The following FBXL17 variants were observed in gnomAD, a reference collection of about 807,000 sequenced individuals.
The protein encoded by FBXL17 is F-box/LRR-repeat protein 17.
In FBXL17, 22 loss-of-function variants were observed where a neutral mutation model predicts 66.2. That is an observed-to-expected ratio of 0.33 (90% CI 0.24 to 0.47). FBXL17 has a LOEUF of 0.47. Among genes scored for constraint, FBXL17 ranks in the 20% least tolerant of loss-of-function variants. FBXL17 has a pLI of 1.00. For synonymous variants in FBXL17, 474 were observed against 400.5 expected, an observed-to-expected ratio of 1.18 and a Z score of -2.19; for missense variants, 878 against 948.2, an observed-to-expected ratio of 0.93 and a Z score of 0.97.
At chr5:108,234,428 C>T (rs182995705) in intron 4 of FBXL17, among the ~76,000 whole-genome samples, 1 of 152,276 alleles carries the variant, frequency 6.6e-6, no homozygotes, top group African/African-American at 2.4e-5. Flanking sequence ...AAACCACTAG[C>T]AGGTGGCAAA....
chr5:108,157,213 T>A (rs985725236), intron 6 of FBXL17, among the ~76,000 whole-genome samples: 43 of 149,570 alleles, frequency 2.9e-4, no homozygotes, highest in African/African-American at 1.1e-3. Context: ...AGGGAAAACA[T>A]ACAAATGTGA....
intron 7 of FBXL17, among the ~76,000 whole-genome samples, chr5:107,976,753 A>G (rs529198015): frequency 3.7e-4 from 56 of 152,332 alleles, no homozygotes; most frequent in African/African-American, 1.3e-3. Flanking sequence ...AATTGGATTA[A>G]AAAAAGAAAA....
Position 108,381,703 on chromosome 5 carries a change from C to A in FBXL17, c.-12G>T. 6.9e-7 allele frequency: 1 copy of A among 1,445,904 alleles called. No individual in the cohort carries two copies. Among genetic ancestry groups the A allele is most frequent in the Non-Finnish European group, 9.1e-7 (1 of 1,104,820 alleles). The allele number at this position is 1,445,904 out of a possible 1,614,324, so 89.6% of individuals were successfully genotyped here. A position where few individuals can be genotyped will look rare whatever the true frequency, so the allele number is the denominator to read the frequency against. On this transcript the variant is annotated 5_prime_UTR_variant, in exon 1 of 9. Coordinates refer to ENST00000542267, the MANE Select transcript of FBXL17 (RefSeq NM_001163315.3). ...AGAAGGTGGCCCATATAGAAGGCCCCGAGGAGGGGGACCGGGACGGGAGGG... is the reference window on the plus strand; with the variant it reads ...AGAAGGTGGCCCATATAGAAGGCCCAGAGGAGGGGGACCGGGACGGGAGGG...
chr5:108,000,588 T>C (rs1256700884), intron 7 of FBXL17, among the ~76,000 whole-genome samples: 1 of 152,214 alleles, frequency 6.6e-6, no homozygotes, highest in Non-Finnish European at 1.5e-5. Flanking sequence ...ATAAATTTCA[T>C]AACATCCTAT....
chr5:108,341,754 C>T (rs1360650764), intron 4 of FBXL17, among the ~76,000 whole-genome samples: 3 of 152,110 alleles, frequency 2.0e-5, no homozygotes, highest in Non-Finnish European at 4.4e-5. Flanking sequence ...GCCTATCAAC[C>T]TAGTGGCACT....
chr5:108,279,300 G>A (rs897159178), intron 4 of FBXL17, among the ~76,000 whole-genome samples: 11 of 152,018 alleles, frequency 7.2e-5, no homozygotes, highest in Non-Finnish European at 1.6e-4. Flanking sequence ...GGGAACAAAA[G>A]GCATGCTTAG....
chr5:107,880,334 C>T (rs1748746872), intron 8 of FBXL17: 2 of 974,866 alleles, frequency 2.1e-6, no homozygotes, highest in African/African-American at 1.8e-5. Flanking sequence ...CTGCCTTGGC[C>T]TCCCAATGTG....
At chr5:108,058,945 A>C (rs1747818173) in intron 6 of FBXL17, among the ~76,000 whole-genome samples, 1 of 152,182 alleles carries the variant, frequency 6.6e-6, no homozygotes, top group African/African-American at 2.4e-5. Context: ...ATCATTTCCC[A>C]GAATGTAGAG....
chr5:108,297,659 GT>G (rs1758403941), intron 4 of FBXL17: 1 of 222,984 alleles, frequency 4.5e-6, no homozygotes, highest in East Asian at 1.8e-4. Flanking sequence ...TGCTAAAATT[GT>G]TTTTTAAATG....
chr5:108,333,148 G>GTATATATA (rs145030445), intron 4 of FBXL17, among the ~76,000 whole-genome samples: 2,416 of 136,502 alleles, frequency 0.018, 40 homozygotes, highest in African/African-American at 0.033. Context: ...AGAAATACCA[G>GTATATATA]TATATATATA....
chr5:108,026,294 T>C (rs956881286), intron 6 of FBXL17, among the ~76,000 whole-genome samples: 3 of 152,226 alleles, frequency 2.0e-5, no homozygotes, highest in Admixed American at 6.6e-5. Context: ...ATAGTTTTTT[T>C]TTAATCTTCA....
chr5:108,196,665 A>G (rs1433789936), intron 5 of FBXL17, among the ~76,000 whole-genome samples: 1 of 152,214 alleles, frequency 6.6e-6, no homozygotes, highest in East Asian at 1.9e-4. Flanking sequence ...TATTTATTTA[A>G]GTTTCCAGAA....
intron 1 of FBXL17, among the ~76,000 whole-genome samples, chr5:108,377,199 C>T (rs1174962157): frequency 6.6e-6 from 1 of 152,192 alleles, no homozygotes; most frequent in East Asian, 1.9e-4. Context: ...TCTGCCTTGG[C>T]CCTTGCTCTC....
At chr5:108,213,862 T>C (rs1252039835) in intron 5 of FBXL17, among the ~76,000 whole-genome samples, 1 of 152,204 alleles carries the variant, frequency 6.6e-6, no homozygotes, top group East Asian at 1.9e-4. Context: ...TCTTTTCATG[T>C]GCTTATTTTC....
intron 6 of FBXL17, among the ~76,000 whole-genome samples, chr5:108,057,312 T>C (rs996795950): frequency 6.6e-5 from 10 of 152,306 alleles, no homozygotes; most frequent in Non-Finnish European, 1.3e-4. Flanking sequence ...AATATATTTG[T>C]GTTGTGAAAT....
At chr5:108,054,323 G>T (rs1747601034) in intron 6 of FBXL17, among the ~76,000 whole-genome samples, 1 of 152,038 alleles carries the variant, frequency 6.6e-6, no homozygotes, top group East Asian at 1.9e-4. Flanking sequence ...TGAGTTGACA[G>T]TTATGGGTTT....
At chr5:108,156,538 G>A (rs1752004532) in intron 6 of FBXL17, among the ~76,000 whole-genome samples, 2 of 151,764 alleles carry the variant, frequency 1.3e-5, no homozygotes, top group South Asian at 2.1e-4. Flanking sequence ...ATTTCCTGGA[G>A]TAAAGAAAGT....
intron 1 of FBXL17, among the ~76,000 whole-genome samples, chr5:108,375,583 A>C (rs1483497406): frequency 6.6e-6 from 1 of 152,212 alleles, no homozygotes; most frequent in East Asian, 1.9e-4. Context: ...ACTCAAAGGA[A>C]ATAGAAAATC....
intron 4 of FBXL17, among the ~76,000 whole-genome samples, chr5:108,253,870 G>A (rs1403054666): frequency 1.3e-5 from 2 of 152,086 alleles, no homozygotes; most frequent in African/African-American, 2.4e-5. Flanking sequence ...GTGGGTGCCT[G>A]CAAACCCAGC....
Sources: gnomAD v4.1 joint callset for allele counts (sites outside exome capture counted in the v4.1 genomes callset) on GRCh38, gnomAD v4.1.1 for gene constraint, MANE v1.5 for transcripts, NCBI Gene and HGNC (gene_info 2026-07-23, HGNC 2026-07-21) for gene names.